The following RUNX1 variants were observed in gnomAD, a reference collection of about 807,000 sequenced individuals.
RUNX1 encodes the protein RUNX family transcription factor 1.
In RUNX1, 19 loss-of-function variants were observed where a neutral mutation model predicts 42.8. The ratio of observed to expected loss-of-function variants is 0.44; its 90% CI spans 0.31 to 0.65. The LOEUF is 0.65. Among genes scored for constraint, RUNX1 ranks in the 30% least tolerant of loss-of-function variants. RUNX1 has a pLI of 0.07. For missense variants in RUNX1, 528 were observed against 672.0 expected, an observed-to-expected ratio of 0.79 and a Z score of 2.37; for synonymous variants, 271 against 289.4, an observed-to-expected ratio of 0.94 and a Z score of 0.64.
chr21:34,811,502 C>T (rs1012877057), intron 7 of RUNX1, among the ~76,000 whole-genome samples: 2 of 152,218 alleles, frequency 1.3e-5, no homozygotes, highest in Non-Finnish European at 2.9e-5. Flanking sequence ...GTCTTCTACA[C>T]GCCCTCTGAC....
intron 3 of RUNX1, among the ~76,000 whole-genome samples, chr21:34,889,152 C>G (rs1601534139): frequency 2.6e-5 from 4 of 151,662 alleles, no homozygotes; most frequent in African/African-American, 4.8e-5. Flanking sequence ...GCTCCCGAAC[C>G]GGGCTGCAGC....
intron 7 of RUNX1, among the ~76,000 whole-genome samples, chr21:34,815,901 G>A (rs955062778): frequency 1.3e-5 from 2 of 152,146 alleles, no homozygotes; most frequent in African/African-American, 4.8e-5. Context: ...GGGCAGGGGG[G>A]CTCACTAGCT....
chr21:35,008,714 C>CT (rs1331101609), intron 2 of RUNX1, among the ~76,000 whole-genome samples: 1 of 152,258 alleles, frequency 6.6e-6, no homozygotes. Context: ...AATTCTGCCA[C>CT]TTTCACCCTC....
chr21:34,909,370 G>C (rs1219658401), intron 2 of RUNX1, among the ~76,000 whole-genome samples: 1 of 152,040 alleles, frequency 6.6e-6, no homozygotes, highest in Admixed American at 6.5e-5. Flanking sequence ...AATCCACTTG[G>C]AGCACATCAG....
chr21:34,951,085 A>G (rs2058603554), intron 2 of RUNX1, among the ~76,000 whole-genome samples: 1 of 152,240 alleles, frequency 6.6e-6, no homozygotes, highest in African/African-American at 2.4e-5. Flanking sequence ...TGCGTGTTTT[A>G]CAGTGCTGCC....
At chr21:35,003,312 T>TA (rs2059059780) in intron 2 of RUNX1, among the ~76,000 whole-genome samples, 1 of 152,156 alleles carries the variant, frequency 6.6e-6, no homozygotes, top group South Asian at 2.1e-4. Context: ...CAAGTCTCAA[T>TA]AGCAAGGGAG....
At chr21:34,965,108 T>C (rs1184891771) in intron 2 of RUNX1, among the ~76,000 whole-genome samples, 1 of 151,734 alleles carries the variant, frequency 6.6e-6, no homozygotes, top group Non-Finnish European at 1.5e-5. Flanking sequence ...CACACGCACA[T>C]ACACTCCTTT....
At chr21:35,005,169 T>C (rs2059074894) in intron 2 of RUNX1, among the ~76,000 whole-genome samples, 1 of 151,996 alleles carries the variant, frequency 6.6e-6, no homozygotes, top group Non-Finnish European at 1.5e-5. Flanking sequence ...TTCATACCAA[T>C]ATGCTTACCC....
intron 2 of RUNX1, among the ~76,000 whole-genome samples, chr21:35,025,977 A>G (rs928836746): frequency 2.6e-5 from 4 of 152,150 alleles, no homozygotes; most frequent in African/African-American, 9.7e-5. Flanking sequence ...AGAATAATAA[A>G]AAAGCACTGG....
chr21:35,039,887 A>C (rs1044345117), intron 2 of RUNX1, among the ~76,000 whole-genome samples: 5 of 152,210 alleles, frequency 3.3e-5, no homozygotes, highest in Non-Finnish European at 7.3e-5. Flanking sequence ...CAGTAGATTC[A>C]ATAATAATAA....
intron 6 of RUNX1, among the ~76,000 whole-genome samples, chr21:34,848,566 C>T (rs1335761714): frequency 6.6e-6 from 1 of 152,192 alleles, no homozygotes; most frequent in African/African-American, 2.4e-5. Flanking sequence ...TCCCGAGTAG[C>T]TGGGATTATA....
chr21:34,882,690 GTT>G (rs60688911), intron 4 of RUNX1, among the ~76,000 whole-genome samples: 37,134 of 139,734 alleles, frequency 0.27, 4,993 homozygotes, highest in African/African-American at 0.38. Flanking sequence ...TATTGCTACT[GTT>G]TTTTTTTTTT....
At chr21:34,850,852 C>A (rs569515339) in intron 6 of RUNX1, among the ~76,000 whole-genome samples, 1 of 152,026 alleles carries the variant, frequency 6.6e-6, no homozygotes, top group Non-Finnish European at 1.5e-5. Flanking sequence ...AATTTAGGAG[C>A]CACAGATCTT....
intron 2 of RUNX1, among the ~76,000 whole-genome samples, chr21:34,965,358 G>A (rs933587223): frequency 1.3e-5 from 2 of 152,074 alleles, no homozygotes; most frequent in African/African-American, 4.8e-5. Context: ...ATCATCTGGA[G>A]CGTTTTTATG....
rs142084601 is a variant in RUNX1, at chr21:34,789,086, G to A, written c.*3049C>T. On this transcript the variant is annotated 3_prime_UTR_variant, in exon 9 of 9. Coordinates refer to ENST00000675419, the MANE Select transcript of RUNX1 (RefSeq NM_001754.5). Reference sequence around the variant, plus strand: ...GTGATTTGCCCAGGAAAGTTTGCTGGTTTGGACAGCAAGCAGATCCAATAT... The same window carrying A: ...GTGATTTGCCCAGGAAAGTTTGCTGATTTGGACAGCAAGCAGATCCAATAT... The A allele has an allele frequency of 3.4e-4, 80 of 233,288 alleles. No individual in the cohort carries two copies. Among genetic ancestry groups the A allele is most frequent in the African/African-American group, 1.6e-3 (74 of 45,470 alleles). 14.5% of individuals were successfully genotyped at this position (233,288 alleles called of 1,614,324 possible). A position where few individuals can be genotyped will look rare whatever the true frequency, so the allele number is the denominator to read the frequency against.
intron 6 of RUNX1, among the ~76,000 whole-genome samples, chr21:34,842,746 T>C (rs140192250): frequency 3.6e-3 from 539 of 151,346 alleles, no homozygotes; most frequent in Non-Finnish European, 6.1e-3. Context: ...TGGACAAACA[T>C]ACACACGGAC....
At chr21:34,858,811 T>C (rs1411944272) in intron 6 of RUNX1, among the ~76,000 whole-genome samples, 2 of 152,158 alleles carry the variant, frequency 1.3e-5, no homozygotes, top group Non-Finnish European at 2.9e-5. Flanking sequence ...TCAAAGATAG[T>C]CATTAAGTCA....
intron 2 of RUNX1, among the ~76,000 whole-genome samples, chr21:35,047,541 A>ACTCTCT (rs2059405775): frequency 7.5e-6 from 1 of 132,660 alleles, no homozygotes; most frequent in Non-Finnish European, 1.6e-5. Context: ...ACACACACAC[A>ACTCTCT]CACACACACA....
intron 2 of RUNX1, among the ~76,000 whole-genome samples, chr21:34,935,410 A>G (rs897399961): frequency 1.3e-5 from 2 of 152,194 alleles, no homozygotes; most frequent in African/African-American, 4.8e-5. Context: ...TACCTTCACA[A>G]ACACATACGG....
Sources: gnomAD v4.1 joint callset for allele counts (sites outside exome capture counted in the v4.1 genomes callset) on GRCh38, gnomAD v4.1.1 for gene constraint, MANE v1.5 for transcripts, NCBI Gene and HGNC (gene_info 2026-07-23, HGNC 2026-07-21) for gene names.